Variants in SCN7A observed in about 807,000 individuals in gnomAD.
SCN7A encodes sodium voltage-gated channel alpha subunit 7.
A neutral mutation model predicts 155.2 loss-of-function variants in SCN7A; 138 were observed. The observed-to-expected ratio is 0.89, with a 90% confidence interval of 0.77 to 1.02. SCN7A has a LOEUF of 1.02. Ranked by LOEUF, SCN7A falls within the 50% of genes least tolerant of loss-of-function variation. The probability of loss-of-function intolerance (pLI) is 0.00; values close to 1 mark genes in which losing one functional copy is unlikely to be tolerated. For missense variants in SCN7A, 2,058 were observed against 1,986.6 expected (o/e 1.04, Z -0.68); for synonymous variants, 693 against 649.0 (o/e 1.07, Z -1.03).
At chr2:166,438,932 G>A (rs1033525539) in intron 15 of SCN7A, among the ~76,000 whole-genome samples, 13 of 150,684 alleles carry the variant, frequency 8.6e-5, no homozygotes, top group African/African-American at 1.9e-4. Flanking sequence ...AATAGAAAGA[G>A]ATTGGAGTTC....
chr2:166,460,299 A>G (rs1265188475), intron 10 of SCN7A, among the ~76,000 whole-genome samples: 2 of 152,188 alleles, frequency 1.3e-5, no homozygotes, highest in Admixed American at 6.5e-5. Flanking sequence ...TGAAGAGCAA[A>G]ACCTGTATTA....
intron 7 of SCN7A, among the ~76,000 whole-genome samples, chr2:166,468,372 C>T (rs1702582121): frequency 6.6e-6 from 1 of 152,038 alleles, no homozygotes; most frequent in African/African-American, 2.4e-5. Context: ...CAGGTTGTTG[C>T]TGTTCATAAA....
At chr2:166,468,023 T>A (rs2105490867) in intron 7 of SCN7A, among the ~76,000 whole-genome samples, 1 of 152,132 alleles carries the variant, frequency 6.6e-6, no homozygotes, top group Non-Finnish European at 1.5e-5. Context: ...TATATCCAAT[T>A]TAAGTTCCTA....
At chr2:166,436,415 G>GT (rs776471008) in intron 15 of SCN7A, 3 of 442,832 alleles carry the variant, frequency 6.8e-6, no homozygotes, top group African/African-American at 2.0e-5. Context: ...CACCGTGATT[G>GT]TAAGTTTCCT....
intron 11 of SCN7A, among the ~76,000 whole-genome samples, chr2:166,455,777 G>T (rs1481420347): frequency 6.6e-6 from 1 of 152,036 alleles, no homozygotes; most frequent in Non-Finnish European, 1.5e-5. Context: ...TTTATCGAAG[G>T]CCCTTTCTGC....
chr2:166,429,823 G>C (rs1176351508), intron 16 of SCN7A, among the ~76,000 whole-genome samples: 1 of 151,958 alleles, frequency 6.6e-6, no homozygotes, highest in Non-Finnish European at 1.5e-5. Context: ...GCCTGGGAAA[G>C]GGGCACAGCC....
At chr2:166,412,393 A>AT (rs1701220906) in intron 23 of SCN7A, 137 bp downstream of exon 23, 4 of 1,039,326 alleles carry the variant, frequency 3.8e-6, no homozygotes, top group South Asian at 6.6e-5. Flanking sequence ...ATTAATCATG[A>AT]TTTTTTAAGA....
chr2:166,484,848 A>G (rs1703010296), intron 2 of SCN7A, among the ~76,000 whole-genome samples: 2 of 152,086 alleles, frequency 1.3e-5, no homozygotes, highest in Non-Finnish European at 2.9e-5. Flanking sequence ...ATACTCTTCA[A>G]GAATGAAGAC....
chr2:166,428,590 T>C (rs772768840), intron 17 of SCN7A, among the ~76,000 whole-genome samples: 34 of 152,030 alleles, frequency 2.2e-4, no homozygotes, highest in Non-Finnish European at 4.4e-4. Context: ...GAGGTTGATA[T>C]ACAGGTGACA....
intron 11 of SCN7A, among the ~76,000 whole-genome samples, chr2:166,448,496 G>T (rs914904424): frequency 6.6e-6 from 1 of 152,076 alleles, no homozygotes; most frequent in South Asian, 2.1e-4. Context: ...GGATGATATG[G>T]TAGCTCTATT....
rs749431275 is a variant in SCN7A at position 166,432,652 on chromosome 2, GC to G, written c.2257del (p.Ala753GlnfsTer7). ...NEAKNLQLAV[A>X]RIKKGINYVL... The stretch of plus-strand genomic sequence containing the variant: ...ATAGTTTATTCCTTTTTTAATTCTT[GC>G]CACTGCAAGCTGGAGATTTTTTGCT... On this transcript the variant is annotated frameshift_variant, in exon 16 of 26. Transcript: ENST00000643258. LOFTEE classifies it high-confidence loss of function. 104 of 1,608,956 alleles carry G rather than the reference GC, an allele frequency of 6.5e-5. No individual in the cohort carries two copies. Among genetic ancestry groups the G allele is most frequent in the Non-Finnish European group, 1.5e-5 (18 of 1,178,620 alleles).
intron 6 of SCN7A, 97 bp downstream of exon 6, chr2:166,472,220 T>C (rs1702674539): frequency 2.4e-6 from 3 of 1,247,832 alleles, no homozygotes; most frequent in Admixed American, 2.8e-5. Flanking sequence ...TTGCAGACTA[T>C]CTGCAGGCCA....
Position 166,441,407 on chromosome 2 carries a change from C to T in SCN7A, c.2146G>A (p.Gly716Arg). 1 of 1,585,184 alleles carries T rather than the reference C, an allele frequency of 6.3e-7. No individual in the cohort carries two copies. Among genetic ancestry groups the T allele is most frequent in the Non-Finnish European group, 8.6e-7 (1 of 1,165,900 alleles). ...AATTGACTACTTACCAGTAAATTTC[C>T]AATTAAAATGACCATCAGGTAAAAA... is the stretch of plus-strand genomic sequence containing the variant. Reference protein sequence around the residue: ...IPFYLMVILIGNLLVLYLFLA... With the variant: ...IPFYLMVILIRNLLVLYLFLA... The change falls in exon 15 of 26, where the codon GGA becomes AGA. Residue 716 changes from glycine to arginine, a missense_variant. Transcript: ENST00000643258.
intron 1 of SCN7A, among the ~76,000 whole-genome samples, chr2:166,491,841 T>C (rs959351171): frequency 2.6e-5 from 4 of 151,940 alleles, no homozygotes; most frequent in African/African-American, 9.7e-5. Flanking sequence ...CTCCCAGAAA[T>C]CAAGAATGTC....
At chr2:166,435,420 G>T (rs555004002) in intron 15 of SCN7A, among the ~76,000 whole-genome samples, 1 of 75,088 alleles carries the variant, frequency 1.3e-5, no homozygotes, top group African/African-American at 5.8e-5. Context: ...TTATTTTTGC[G>T]TTGAGAGAAA....
chr2:166,460,017 A>C (rs1306544132), intron 10 of SCN7A, among the ~76,000 whole-genome samples: 4 of 152,174 alleles, frequency 2.6e-5, no homozygotes, highest in Non-Finnish European at 5.9e-5. Flanking sequence ...TAGGAGAAAT[A>C]CCTAATGTAG....
In SCN7A at chr2:166,477,354, C is replaced by A; in HGVS notation, c.234+109G>T. 2.6e-6 allele frequency: 2 copies of A among 770,952 alleles called. 1 individual carries two copies. Among genetic ancestry groups the A allele is most frequent in the Non-Finnish European group, 4.0e-6 (2 of 500,868 alleles). 47.8% of individuals were successfully genotyped at this position (770,952 alleles called of 1,614,324 possible). A position where few individuals can be genotyped will look rare whatever the true frequency, so the allele number is the denominator to read the frequency against. ...CGTTCTGTAAAATTTAAAATCAGAT[C>A]TTTCCCTGTTTTTCATTATCTTTTT... On this transcript the variant is annotated intron_variant, in intron 3 of 25. Transcript: ENST00000643258.
chr2:166,412,959 T>C, intron 22 of SCN7A, 109 bp downstream of exon 22: 1 of 907,132 alleles, frequency 1.1e-6, no homozygotes, highest in Non-Finnish European at 1.7e-6. Context: ...AAATATCCAA[T>C]CTGAACTGCA....
intron 21 of SCN7A, among the ~76,000 whole-genome samples, chr2:166,415,071 C>T (rs1701344833): frequency 7.0e-6 from 1 of 143,110 alleles, no homozygotes; most frequent in Admixed American, 7.2e-5. Context: ...TAGTTCTGTC[C>T]CTCTAGGGAA....
Sources: gnomAD v4.1 joint callset for allele counts (sites outside exome capture counted in the v4.1 genomes callset) on GRCh38, gnomAD v4.1.1 for gene constraint, MANE v1.5 for transcripts, NCBI Gene and HGNC (gene_info 2026-07-23, HGNC 2026-07-21) for gene names.